ANKRD40CL: variants seen among roughly 807,000 people sequenced by gnomAD.
ANKRD40CL encodes putative ANKRD40 C-terminal-like protein.
For missense variants in ANKRD40CL, 11 were observed against 6.4 expected (o/e 1.71, Z -0.77); for synonymous variants, 5 against 2.3 (o/e 2.14, Z -1.04).
At chr17:50,763,781 T>C (rs1003416617) in intron 2 of ANKRD40CL, 3 of 384,884 alleles carry the variant, frequency 7.8e-6, no homozygotes, top group African/African-American at 6.2e-5. Context: ...CCCCATTATA[T>C]CCACTGAAGA....
intron 3 of ANKRD40CL, among the ~76,000 whole-genome samples, chr17:50,762,515 G>T (rs1567888254): frequency 1.3e-5 from 2 of 152,152 alleles, no homozygotes; most frequent in Non-Finnish European, 2.9e-5. Flanking sequence ...TTTCGAGGCT[G>T]CAGTGAGCTA....
chr17:50,766,588 C>G (rs139914912), intron 2 of ANKRD40CL: 2 of 395,356 alleles, frequency 5.1e-6, no homozygotes, highest in Non-Finnish European at 8.9e-6. Flanking sequence ...TCCTACCTCA[C>G]CAGATTGTAA....
In ANKRD40CL at chr17:50,761,144, A is replaced by T. The variant is rs1971194361; in HGVS notation, c.*219T>A. 3.8e-6 allele frequency: 1 copy of T among 264,234 alleles called. No individual in the cohort carries two copies. Among genetic ancestry groups the T allele is most frequent in the Non-Finnish European group, 7.0e-6 (1 of 143,080 alleles). The allele number at this position is 264,234 out of a possible 1,614,324, so 16.4% of individuals were successfully genotyped here. A position where few individuals can be genotyped will look rare whatever the true frequency, so the allele number is the denominator to read the frequency against. On this transcript the variant is annotated 3_prime_UTR_variant, in exon 4 of 4. Coordinates refer to ENST00000450727, the MANE Select transcript of ANKRD40CL (RefSeq NM_001358683.3). ...AACCTCTGCCTCCTGGGTTCAGGTG[A>T]TTCTCCTGCCTCAGCTTCCCATGTA...
rs898228461 is a variant in ANKRD40CL, at chr17:50,761,494, G to A, written c.214C>T (p.Arg72Ter). Residue 72 changes from arginine (R) to a stop codon, truncating the protein, a stop_gained, in exon 4 of 4, where the codon CGA becomes TGA. Transcript: ENST00000450727. LOFTEE classifies it low-confidence loss of function (END_TRUNC). Reference sequence around the variant, plus strand: ...ACTTCCTGAAAGTCCCGCAGTCTTCGAATGTCTTTGTCCTTAATGTAGAAA... The same window carrying A: ...ACTTCCTGAAAGTCCCGCAGTCTTCAAATGTCTTTGTCCTTAATGTAGAAA... Reference protein sequence around the residue: ...NTLLRKDKDIRRLRDFQEVEL... With the variant: ...NTLLRKDKDI 5.0e-6 allele frequency: 2 copies of A among 398,738 alleles called. No individual in the cohort carries two copies. Among genetic ancestry groups the A allele is most frequent in the Admixed American group, 4.4e-5 (1 of 22,688 alleles). 24.7% of individuals were successfully genotyped at this position (398,738 alleles called of 1,614,324 possible).
chr17:50,767,182 C>T, intron 1 of ANKRD40CL, 171 bp from the exon 2 acceptor site: 1 of 638,978 alleles, frequency 1.6e-6, no homozygotes. Context: ...CAGGCTGTCC[C>T]CACTGGAAGA....
Position 50,761,331 on chromosome 17 carries a change from G to A in ANKRD40CL, c.*32C>T. ...CTAAAGTGCTGGGATTACAGGGGGT[G>A]AGCCACCATGCGCGGCCATTCCTGG... On this transcript the variant is annotated 3_prime_UTR_variant, in exon 4 of 4. Transcript: ENST00000450727. 5.1e-6 allele frequency: 2 copies of A among 395,320 alleles called. No homozygotes were observed. The highest frequency in any genetic ancestry group is 8.9e-6 in the Non-Finnish European group (2 of 223,682). 24.5% of individuals were successfully genotyped at this position (395,320 alleles called of 1,614,324 possible).
chr17:50,763,369 T>G, intron 3 of ANKRD40CL, 28 bp downstream of exon 3: 2 of 399,076 alleles, frequency 5.0e-6, no homozygotes, highest in Non-Finnish European at 8.8e-6. Context: ...CCACTGTGAT[T>G]CTGCATTTAG....
intron 2 of ANKRD40CL, among the ~76,000 whole-genome samples, chr17:50,766,261 C>A (rs1971311008): frequency 6.6e-6 from 1 of 152,156 alleles, no homozygotes; most frequent in Non-Finnish European, 1.5e-5. Flanking sequence ...TGGGCCCCAG[C>A]CCACCTGCCA....
intron 2 of ANKRD40CL, among the ~76,000 whole-genome samples, chr17:50,765,858 T>C (rs1222587219): frequency 6.6e-6 from 1 of 152,008 alleles, no homozygotes; most frequent in South Asian, 2.1e-4. Flanking sequence ...GTGGAGACCA[T>C]ATGTATGAGC....
rs1971191480 is a variant in ANKRD40CL at position 50,761,044 on chromosome 17, A to ATTTATTTATTTATTTATTTATTTATTTC, written c.*318_*319insGAAATAAATAAATAAATAAATAAATAAA. 1 of 153,440 alleles carries ATTTATTTATTTATTTATTTATTTATTTC rather than the reference A, an allele frequency of 6.5e-6. No individual in the cohort carries two copies. Among genetic ancestry groups the ATTTATTTATTTATTTATTTATTTATTTC allele is most frequent in the Non-Finnish European group, 1.4e-5 (1 of 69,548 alleles). The allele number at this position is 153,440 out of a possible 1,614,324, so 9.5% of individuals were successfully genotyped here. On this transcript the variant is annotated 3_prime_UTR_variant, in exon 4 of 4. Transcript: ENST00000450727. ...AATTCCTGGGATTGATTATTTATTT[A>ATTTATTTATTTATTTATTTATTTATTTC]TTTATTTATTTTGAGAGACAGAGTC...
chr17:50,762,869 G>A (rs1971225692), intron 3 of ANKRD40CL: 1 of 151,734 alleles, frequency 6.6e-6, no homozygotes, highest in Non-Finnish European at 1.5e-5. Context: ...CTGAACTAAA[G>A]CCTTAAATTG....
chr17:50,765,150 T>C (rs1215441305), intron 2 of ANKRD40CL: 3 of 152,226 alleles, frequency 2.0e-5, no homozygotes, highest in Non-Finnish European at 4.4e-5. Context: ...AGGTAAAATA[T>C]ACCCTGGATT....
intron 2 of ANKRD40CL, chr17:50,763,886 A>G: frequency 2.7e-6 from 1 of 377,046 alleles, no homozygotes; most frequent in Non-Finnish European, 4.7e-6. Context: ...AGGTGCTCAT[A>G]CCTTGTTGCT....
intron 2 of ANKRD40CL, chr17:50,765,060 G>C (rs141630298): frequency 1.3e-5 from 2 of 152,216 alleles, no homozygotes; most frequent in Admixed American, 6.6e-5. Flanking sequence ...AGCATGGGGG[G>C]ACTGAGTGTC....
At chr17:50,762,092 G>A (rs539268219) in intron 3 of ANKRD40CL, among the ~76,000 whole-genome samples, 1 of 150,904 alleles carries the variant, frequency 6.6e-6, no homozygotes, top group South Asian at 2.1e-4. Context: ...GCTAATTTTT[G>A]TATTTTCCTG....
rs1438218585 is a variant in ANKRD40CL at position 50,766,760 on chromosome 17, T to TAA, written c.40+113_40+114insTT. ...GCTCTTCACTACCCCACTGGCAGAG[T>TAA]GGCGGAGGCCACAGGGCACTGCTGG... On this transcript the variant is annotated intron_variant, in intron 2 of 3. Coordinates refer to ENST00000450727, the MANE Select transcript of ANKRD40CL (RefSeq NM_001358683.3). 20 of 578,588 alleles carry TAA rather than the reference T, an allele frequency of 3.5e-5. No homozygotes were observed. The African/African-American group carries it at 3.9e-4, about 11-fold the overall frequency. 35.8% of individuals were successfully genotyped at this position (578,588 alleles called of 1,614,324 possible).
intron 3 of ANKRD40CL, chr17:50,762,817 G>A (rs1446417241): frequency 6.6e-6 from 1 of 151,416 alleles, no homozygotes; most frequent in East Asian, 1.9e-4. Context: ...GCCATTTTAT[G>A]TTAACCAGTC....
At chr17:50,762,119 C>T (rs1971211084) in intron 3 of ANKRD40CL, among the ~76,000 whole-genome samples, 1 of 151,984 alleles carries the variant, frequency 6.6e-6, no homozygotes, top group Admixed American at 6.6e-5. Context: ...CAGGGTTTCA[C>T]CATGTTGCCC....
intron 1 of ANKRD40CL, 157 bp from the exon 2 acceptor site, chr17:50,767,168 T>G: frequency 1.5e-6 from 1 of 649,218 alleles, no homozygotes. Context: ...CCAGACTCTC[T>G]TCTCAGGCTG....
Sources: allele counts gnomAD v4.1 joint callset (sites outside exome capture counted in the v4.1 genomes callset), GRCh38; gene constraint gnomAD v4.1.1; transcripts MANE v1.5; gene names NCBI Gene and HGNC (gene_info 2026-07-23, HGNC 2026-07-21).